RHEB: variants seen among roughly 807,000 people sequenced by gnomAD.
RHEB encodes GTP-binding protein Rheb.
RHEB carries 2 observed loss-of-function variants against 28.8 expected under a neutral mutation model. The ratio of observed to expected loss-of-function variants is 0.07; its 90% CI spans 0.03 to 0.22. The LOEUF is 0.22. Among genes scored for constraint, RHEB ranks in the 10% least tolerant of loss-of-function variants. The pLI is 1.00. For synonymous variants in RHEB, 69 were observed against 77.3 expected (o/e 0.89, Z 0.56); for missense variants, 76 against 219.9 (o/e 0.35, Z 4.14).
At chr7:151,512,787 G>A (rs1215041549) in intron 1 of RHEB, among the ~76,000 whole-genome samples, 1 of 152,156 alleles carries the variant, frequency 6.6e-6, no homozygotes, top group East Asian at 1.9e-4. Context: ...CTCAAAGGGT[G>A]GTCTGTGGAC....
chr7:151,491,434 G>T (rs1054810500), intron 1 of RHEB, among the ~76,000 whole-genome samples: 7 of 152,170 alleles, frequency 4.6e-5, no homozygotes, highest in African/African-American at 1.7e-4. Context: ...ACCAAGTACA[G>T]CTTTTAAAAA....
chr7:151,483,390 C>G (rs912144793), intron 3 of RHEB, among the ~76,000 whole-genome samples: 1 of 152,174 alleles, frequency 6.6e-6, no homozygotes, highest in African/African-American at 2.4e-5. Flanking sequence ...TCACACTACA[C>G]TCACCCTCCT....
At chr7:151,467,463 A>C (rs1172389500) in intron 7 of RHEB, among the ~76,000 whole-genome samples, 1 of 151,896 alleles carries the variant, frequency 6.6e-6, no homozygotes, top group Non-Finnish European at 1.5e-5. Flanking sequence ...GAGACGCCCG[A>C]AGAGTCCTCA....
At chr7:151,471,298 G>T in intron 6 of RHEB, 96 bp downstream of exon 6, 1 of 869,160 alleles carries the variant, frequency 1.2e-6, no homozygotes, top group Non-Finnish European at 1.9e-6. Flanking sequence ...GGATAAAAAT[G>T]CTACAGCTAA....
At chr7:151,482,816 C>G (rs1802401720) in intron 3 of RHEB, among the ~76,000 whole-genome samples, 1 of 152,148 alleles carries the variant, frequency 6.6e-6, no homozygotes, top group South Asian at 2.1e-4. Flanking sequence ...AAGAAAGATA[C>G]AAAACCCAAC....
Position 151,467,061 on chromosome 7 carries a change from G to A in RHEB, c.*58C>T, listed in dbSNP as rs1802076324. ...GCATAGTTTATCTTCAAGGAGAACG[G>A]GCAGTTTGCTTCTTCAGGTAGAATA... is the stretch of plus-strand genomic sequence containing the variant. On this transcript the variant is annotated 3_prime_UTR_variant, in exon 8 of 8. Coordinates refer to ENST00000262187, the MANE Select transcript of RHEB (RefSeq NM_005614.4). 1.6e-6 allele frequency: 2 copies of A among 1,223,320 alleles called. No homozygotes were observed. The highest frequency in any genetic ancestry group is 2.4e-5 in the South Asian group (2 of 82,702). 75.8% of individuals were successfully genotyped at this position (1,223,320 alleles called of 1,614,324 possible).
intron 1 of RHEB, among the ~76,000 whole-genome samples, chr7:151,517,158 G>A (rs1803095671): frequency 6.6e-6 from 1 of 152,154 alleles, no homozygotes; most frequent in Non-Finnish European, 1.5e-5. Context: ...GAGGTCAGGC[G>A]TTTGAGACAA....
intron 4 of RHEB, among the ~76,000 whole-genome samples, chr7:151,476,374 A>AT (rs923744516): frequency 6.6e-6 from 1 of 152,192 alleles, no homozygotes; most frequent in African/African-American, 2.4e-5. Flanking sequence ...ATTTTTAGTT[A>AT]AACAGCCACC....
intron 3 of RHEB, among the ~76,000 whole-genome samples, chr7:151,479,494 A>G (rs543660565): frequency 9.9e-5 from 15 of 152,088 alleles, no homozygotes; most frequent in South Asian, 2.1e-4. Context: ...CATCCTGGCT[A>G]ACACAGTGAA....
chr7:151,477,319 A>C lies in RHEB; in HGVS notation c.275+14T>G, dbSNP rs1802288662. The C allele has an allele frequency of 6.8e-7, 1 of 1,470,144 alleles. No individual in the cohort carries two copies. Among genetic ancestry groups the C allele is most frequent in the Non-Finnish European group, 9.5e-7 (1 of 1,052,280 alleles). The allele number at this position is 1,470,144 out of a possible 1,614,324, so 91.1% of individuals were successfully genotyped here. ...GAGTAGCAAATCAACTCAAGCAGGC[A>C]GCAGGAGTCTTACCTTTTGATTGAT... On this transcript the variant is annotated intron_variant, in intron 4 of 7. Transcript: ENST00000262187.
chr7:151,485,076 A>G (rs989522357), intron 2 of RHEB, among the ~76,000 whole-genome samples: 52 of 152,386 alleles, frequency 3.4e-4, no homozygotes, highest in African/African-American at 1.2e-3. Context: ...ATCCTATAAT[A>G]GTAATTTGAA....
intron 1 of RHEB, among the ~76,000 whole-genome samples, chr7:151,491,818 C>T (rs1312081700): frequency 1.3e-5 from 2 of 151,982 alleles, no homozygotes; most frequent in Non-Finnish European, 2.9e-5. Context: ...AATCCTATGT[C>T]ATTCAGTATG....
chr7:151,468,683 A>G lies in RHEB; in HGVS notation c.463-1472T>C, dbSNP rs1802109174. On this transcript the variant is annotated intron_variant, in intron 7 of 7. Transcript: ENST00000262187. The surrounding 1 kb of genome is among the most constrained non-coding windows in gnomAD (Gnocchi z 4.3). ...TCCACATCCTCCATCCACCAAGCTG[A>G]CCCACCCACTTGAATGTGGGCTCCC... Among the ~76,000 whole-genome samples the G allele has an allele frequency of 6.6e-6, 1 of 152,140 alleles. No individual in the cohort carries two copies.
In RHEB at chr7:151,516,337, G is replaced by A. The variant is rs112689524; in HGVS notation, c.52+3123C>T. Among the ~76,000 whole-genome samples, 681 of 152,224 alleles carry A rather than the reference G, an allele frequency of 4.5e-3. 3 individuals carry two copies. Among genetic ancestry groups the A allele is most frequent in the African/African-American group, 0.015 (606 of 41,542 alleles). On this transcript the variant is annotated intron_variant, in intron 1 of 7. Transcript: ENST00000262187. ...AGAAAAAAAGAAAACGGAAAGCCAAGTAGTGGGCTGGGTGCAGTGACTCAT... is the reference window on the plus strand; with the variant it reads ...AGAAAAAAAGAAAACGGAAAGCCAAATAGTGGGCTGGGTGCAGTGACTCAT...
At chr7:151,515,333 G>A (rs1240761160) in intron 1 of RHEB, among the ~76,000 whole-genome samples, 2 of 152,232 alleles carry the variant, frequency 1.3e-5, no homozygotes, top group African/African-American at 4.8e-5. Context: ...GCCAGGGGCT[G>A]ACAGGGAAGC....
intron 7 of RHEB, among the ~76,000 whole-genome samples, chr7:151,469,496 A>G (rs1460784391): frequency 3.5e-5 from 5 of 143,680 alleles, no homozygotes; most frequent in Non-Finnish European, 7.8e-5. Context: ...GAAGAGTGCC[A>G]AGGCTGCTGG....
chr7:151,489,796 A>G (rs371575943), intron 2 of RHEB, among the ~76,000 whole-genome samples: 2 of 152,240 alleles, frequency 1.3e-5, no homozygotes, highest in Admixed American at 6.5e-5. Context: ...GGACTTTTAT[A>G]TATTATGCTT....
chr7:151,466,946 T>C lies in RHEB; in HGVS notation c.*173A>G, dbSNP rs183404233. On this transcript the variant is annotated 3_prime_UTR_variant, in exon 8 of 8. Transcript: ENST00000262187. ...TTAAAATTTGAAAATGGAAGTGAAC[T>C]CATTTGGACAGACTCAGAGTTAACA... The C allele has an allele frequency of 2.5e-3, 1,232 of 484,658 alleles. 6 individuals carry two copies. Among genetic ancestry groups the C allele is most frequent in the Middle Eastern group, 6.6e-3 (12 of 1,830 alleles). The allele number at this position is 484,658 out of a possible 1,614,324, so 30.0% of individuals were successfully genotyped here.
chr7:151,505,652 T>C (rs139684005), intron 1 of RHEB, among the ~76,000 whole-genome samples: 6 of 152,300 alleles, frequency 3.9e-5, no homozygotes, highest in African/African-American at 1.4e-4. Context: ...CACACCTAGG[T>C]ATTTACCAAA....
Sources: gnomAD v4.1 joint callset for allele counts (sites outside exome capture counted in the v4.1 genomes callset) on GRCh38, gnomAD v4.1.1 for gene constraint, Gnocchi (gnomAD v3.1) non-coding constraint, MANE v1.5 for transcripts, NCBI Gene and HGNC (gene_info 2026-07-23, HGNC 2026-07-21) for gene names.